ROBO2: variants seen among roughly 807,000 people sequenced by gnomAD.
The protein encoded by ROBO2 is roundabout homolog 2.
A neutral mutation model predicts 160.8 loss-of-function variants in ROBO2; 53 were observed. That is an observed-to-expected ratio of 0.33 (90% confidence interval 0.26 to 0.41). The LOEUF is 0.41. Ranked by LOEUF, ROBO2 falls within the 10% of genes least tolerant of loss-of-function variation. ROBO2 has a pLI of 1.00. For missense variants in ROBO2, 1,577 were observed against 1,722.4 expected (o/e 0.92, Z 1.49); for synonymous variants, 664 against 611.7 (o/e 1.09, Z -1.26).
At chr3:76,833,238 C>T (rs1232974484) in intron 2 of ROBO2, among the ~76,000 whole-genome samples, 7 of 152,012 alleles carry the variant, frequency 4.6e-5, no homozygotes, top group African/African-American at 1.7e-4. Flanking sequence ...TTATATAGTC[C>T]GCGGACAGTA....
At chr3:76,310,453 A>G (rs941302833) in intron 2 of ROBO2, among the ~76,000 whole-genome samples, 1 of 152,206 alleles carries the variant, frequency 6.6e-6, no homozygotes, top group Non-Finnish European at 1.5e-5. Context: ...TTGAACACAG[A>G]GGAGAGCTGC....
intron 1 of ROBO2, among the ~76,000 whole-genome samples, chr3:77,055,524 A>G (rs2065654783): frequency 2.6e-5 from 4 of 152,196 alleles, no homozygotes. Flanking sequence ...TTGATTTTCT[A>G]ACACGTCATC....
chr3:76,832,857 G>T (rs1409921196), intron 2 of ROBO2, among the ~76,000 whole-genome samples: 1 of 152,104 alleles, frequency 6.6e-6, no homozygotes, highest in African/African-American at 2.4e-5. Context: ...TAACATTCCA[G>T]CATGTGGGCA....
chr3:77,278,088 T>C lies in ROBO2; in HGVS notation c.388+179748T>C, dbSNP rs80223005. Among the ~76,000 whole-genome samples, 1,442 of 152,252 alleles carry C rather than the reference T, an allele frequency of 9.5e-3. 20 individuals are homozygous for C. Among genetic ancestry groups the C allele is most frequent in the African/African-American group, 0.033 (1,382 of 41,538 alleles). On this transcript the variant is annotated intron_variant, in intron 2 of 25. Transcript: ENST00000461745. ...TCTATTTCAGAAAGAGCACAGGGGA[T>C]GGGAAAAGATGAGAATAAGCTAGCC...
rs1284646978 is a variant in ROBO2 at position 77,564,958 on chromosome 3, T to C, written c.1687T>C (p.Ser563Pro). 10 of 1,613,154 alleles carry C rather than the reference T, an allele frequency of 6.2e-6. No individual in the cohort carries two copies. The Admixed American group carries it at 6.7e-5, about 11-fold the overall frequency. ...AAATTTCTGTTCGCGTTTCAGCCAA[T>C]CAGTGAGCAACAGCTGGCAGACCGT... Residue 563 changes from serine to proline, a missense_variant, in exon 12 of 26, where the codon TCA (serine) becomes CCA (proline). Physicochemically the swap from Ser to Pro is moderately conservative, Grantham distance 74. Transcript: ENST00000461745.
rs143157445 is a variant in ROBO2, at chr3:76,570,160, A to T, written c.110-527854A>T. On this transcript the variant is annotated intron_variant, in intron 2 of 26. Transcript: ENST00000487694. Reference sequence around the variant, plus strand: ...AAAAATAAAAAATAAAGATTCTAATAAGCACTCAGTAAATATCAACTGTTG... The same window carrying T: ...AAAAATAAAAAATAAAGATTCTAATTAGCACTCAGTAAATATCAACTGTTG... Among the ~76,000 whole-genome samples the T allele has an allele frequency of 3.0e-4, 46 of 152,222 alleles. No individual in the cohort carries two copies. In the East Asian group the frequency reaches 8.3e-3, roughly 27 times the overall value.
intron 2 of ROBO2, among the ~76,000 whole-genome samples, chr3:77,112,066 A>G (rs2073659873): frequency 6.6e-6 from 1 of 151,710 alleles, no homozygotes; most frequent in South Asian, 2.1e-4. Flanking sequence ...TACAATAGTT[A>G]GCCGGGTGTA....
chr3:75,925,735 T>C (rs1947268157), intron 1 of ROBO2, among the ~76,000 whole-genome samples: 1 of 152,194 alleles, frequency 6.6e-6, no homozygotes, highest in Non-Finnish European at 1.5e-5. Flanking sequence ...TGTGGGACAT[T>C]ATGTTAAAGG....
intron 2 of ROBO2, among the ~76,000 whole-genome samples, chr3:76,276,375 C>A (rs1707921753): frequency 6.6e-6 from 1 of 151,988 alleles, no homozygotes. Flanking sequence ...TTGTATCAAT[C>A]ACACTAGCCA....
chr3:77,563,229 C>A (rs2093382359), exon 11 of ROBO2: 1 of 1,613,466 alleles, frequency 6.2e-7, no homozygotes, highest in South Asian at 1.1e-5. Context: ...ACCATCCAAA[C>A]CGCAGGTCAC....
chr3:76,094,118 G>A (rs549056795), intron 2 of ROBO2, among the ~76,000 whole-genome samples: 3 of 151,904 alleles, frequency 2.0e-5, no homozygotes, highest in Admixed American at 6.6e-5. Context: ...TAACAATCTC[G>A]AGTGCACACT....
At chr3:77,253,122 CT>C (rs1200465628) in intron 2 of ROBO2, among the ~76,000 whole-genome samples, 3 of 151,938 alleles carry the variant, frequency 2.0e-5, no homozygotes, top group Non-Finnish European at 4.4e-5. Flanking sequence ...TCTCGTGTTA[CT>C]TCAGATGGCT....
intron 6 of ROBO2, among the ~76,000 whole-genome samples, chr3:77,537,105 G>GGT (rs1553650237): frequency 7.0e-6 from 1 of 142,404 alleles, no homozygotes; most frequent in Non-Finnish European, 1.5e-5. Context: ...TTTGTGGGGG[G>GGT]GGGGTGTATT....
At chr3:77,079,354 CCTT>C (rs2068375902) in intron 1 of ROBO2, among the ~76,000 whole-genome samples, 3 of 152,184 alleles carry the variant, frequency 2.0e-5, no homozygotes, top group Admixed American at 2.0e-4. Flanking sequence ...TTACAGGTAT[CCTT>C]CATTCCAAGA....
chr3:76,333,453 TG>T (rs924916671), intron 2 of ROBO2, among the ~76,000 whole-genome samples: 1 of 152,212 alleles, frequency 6.6e-6, no homozygotes, highest in African/African-American at 2.4e-5. Flanking sequence ...TACATAGTTA[TG>T]TATGACATAT....
At chr3:77,401,155 A>C (rs953707757) in intron 2 of ROBO2, among the ~76,000 whole-genome samples, 3 of 152,002 alleles carry the variant, frequency 2.0e-5, no homozygotes, top group African/African-American at 7.2e-5. Context: ...TTACTTCCTC[A>C]TCAGTCCTTG....
rs555781427 is a variant in ROBO2 at position 76,679,192 on chromosome 3, A to G, written c.110-418822A>G. Among the ~76,000 whole-genome samples, 5 of 152,174 alleles carry G rather than the reference A, an allele frequency of 3.3e-5. No homozygotes were observed. The East Asian group carries it at 5.8e-4, about 18-fold the overall frequency. On this transcript the variant is annotated intron_variant, in intron 2 of 26. Transcript: ENST00000487694. ...CTTTGTTTTCTTAAATAACACCCTC[A>G]TTTTTTAATCATTTGAATGTTTCTA...
At chr3:75,979,035 T>C (rs1473696421) in intron 2 of ROBO2, among the ~76,000 whole-genome samples, 6 of 151,534 alleles carry the variant, frequency 4.0e-5, no homozygotes, top group African/African-American at 1.5e-4. Flanking sequence ...AACCAATGTC[T>C]ACTTGACCCA....
intron 2 of ROBO2, among the ~76,000 whole-genome samples, chr3:77,401,749 G>T (rs4131211): frequency 0.24 from 37,081 of 151,896 alleles, 5,007 homozygotes; most frequent in African/African-American, 0.35. Flanking sequence ...ATTTGTTACC[G>T]GCTTCTTTAA....
Sources: allele counts gnomAD v4.1 joint callset (sites outside exome capture counted in the v4.1 genomes callset), GRCh38; gene constraint gnomAD v4.1.1; transcripts MANE v1.5; gene names NCBI Gene and HGNC (gene_info 2026-07-23, HGNC 2026-07-21).